The following TMEM200A variants were observed in gnomAD, a reference collection of about 807,000 sequenced individuals.
The protein encoded by TMEM200A is transmembrane protein 200A.
A neutral mutation model predicts 24.3 loss-of-function variants in TMEM200A; 12 were observed. The observed-to-expected ratio is 0.49, with a 90% CI of 0.32 to 0.80. TMEM200A has a LOEUF of 0.80. TMEM200A is among the 30% of genes least tolerant of loss of function. The pLI, the probability that TMEM200A is intolerant of heterozygous loss-of-function variation, is 0.04. For missense variants in TMEM200A, 545 were observed against 614.4 expected (o/e 0.89, Z 1.19); for synonymous variants, 224 against 224.4 (o/e 1.00, Z 0.02).
intron 1 of TMEM200A, chr6:130,383,067 G>A (rs1778638174): frequency 1.5e-5 from 15 of 985,260 alleles, no homozygotes; most frequent in Middle Eastern, 5.2e-4. Flanking sequence ...CCTCCTCATG[G>A]CCTACATCTA....
At chr6:130,369,877 G>A (rs1347069767) in intron 1 of TMEM200A, among the ~76,000 whole-genome samples, 2 of 152,182 alleles carry the variant, frequency 1.3e-5, no homozygotes, top group Non-Finnish European at 2.9e-5. Context: ...AGTGCACCAA[G>A]GGGGGACAAG....
At chr6:130,380,141 T>A (rs533874217) in intron 1 of TMEM200A, among the ~76,000 whole-genome samples, 1 of 152,364 alleles carries the variant, frequency 6.6e-6, no homozygotes, top group East Asian at 1.9e-4. Context: ...TAAAAGTTAC[T>A]GAAAATCTTT....
At chr6:130,428,158 A>G (rs1779792615) in intron 2 of TMEM200A, among the ~76,000 whole-genome samples, 1 of 151,924 alleles carries the variant, frequency 6.6e-6, no homozygotes, top group Non-Finnish European at 1.5e-5. Flanking sequence ...ATTCTTCTCA[A>G]TTTTTTCCTT....
At chr6:130,401,402 T>G (rs55750055) in intron 2 of TMEM200A, among the ~76,000 whole-genome samples, 4,101 of 83,900 alleles carry the variant, frequency 0.049, 68 homozygotes, top group African/African-American at 0.18. Context: ...TCTTTCTTTC[T>G]TTTTCTTTCT....
At chr6:130,372,972 G>A (rs1232479655) in intron 1 of TMEM200A, among the ~76,000 whole-genome samples, 3 of 152,210 alleles carry the variant, frequency 2.0e-5, no homozygotes, top group South Asian at 2.1e-4. Flanking sequence ...AGAGGCCTGT[G>A]ACACAAAAGC....
At chr6:130,433,044 G>GA (rs1362465420) in intron 2 of TMEM200A, among the ~76,000 whole-genome samples, 1 of 152,086 alleles carries the variant, frequency 6.6e-6, no homozygotes, top group African/African-American at 2.4e-5. Flanking sequence ...CCACTTGCAT[G>GA]GCATCAAATG....
chr6:130,392,023 G>A (rs1033749323), intron 2 of TMEM200A, among the ~76,000 whole-genome samples: 4 of 152,116 alleles, frequency 2.6e-5, no homozygotes, highest in Non-Finnish European at 5.9e-5. Flanking sequence ...GATTACAGGC[G>A]TGAGCCACCA....
At position 130,401,856 on chromosome 6, in the gene TMEM200A, CT is replaced by C. The variant is rs557114249; in HGVS notation, c.-17+16626del. 1.3e-3 allele frequency among the ~76,000 whole-genome samples: 201 copies of C among 151,644 alleles called. 1 individual carries two copies. Among genetic ancestry groups the C allele is most frequent in the African/African-American group, 4.6e-3 (192 of 41,428 alleles). ...ATGTTTGTGTGTGTGTGTTTGTGAGCTTTTTTCAGTTTTTCTCTTTTGTAAA... is the reference window on the plus strand; with the variant it reads ...ATGTTTGTGTGTGTGTGTTTGTGAGCTTTTTCAGTTTTTCTCTTTTGTAAA... On this transcript the variant is annotated intron_variant, in intron 2 of 2. Transcript: ENST00000296978.
chr6:130,424,279 A>G (rs1779673144), intron 2 of TMEM200A, among the ~76,000 whole-genome samples: 1 of 152,168 alleles, frequency 6.6e-6, no homozygotes, highest in Non-Finnish European at 1.5e-5. Flanking sequence ...AACAAATTAC[A>G]GACGTTTTCT....
chr6:130,398,906 T>C (rs1779018227), intron 2 of TMEM200A, among the ~76,000 whole-genome samples: 1 of 152,086 alleles, frequency 6.6e-6, no homozygotes. Flanking sequence ...TCTCATTTTT[T>C]TCATTGTCCA....
intron 2 of TMEM200A, among the ~76,000 whole-genome samples, chr6:130,425,419 A>G (rs1340412390): frequency 6.6e-6 from 1 of 152,188 alleles, no homozygotes; most frequent in East Asian, 1.9e-4. Context: ...ATGCTATTTG[A>G]TTTACCTAAT....
intron 1 of TMEM200A, among the ~76,000 whole-genome samples, chr6:130,378,624 T>C (rs965633205): frequency 4.7e-5 from 7 of 150,482 alleles, no homozygotes; most frequent in Admixed American, 4.0e-4. Flanking sequence ...CTTGGGAGGC[T>C]GAGGCAGAGA....
intron 2 of TMEM200A, among the ~76,000 whole-genome samples, chr6:130,418,853 T>C (rs1182207118): frequency 6.6e-6 from 1 of 152,172 alleles, no homozygotes; most frequent in Non-Finnish European, 1.5e-5. Context: ...GAATGTGTAA[T>C]GGTCAACTCA....
chr6:130,414,222 A>T (rs2115167108), intron 2 of TMEM200A, among the ~76,000 whole-genome samples: 1 of 152,152 alleles, frequency 6.6e-6, no homozygotes, highest in East Asian at 1.9e-4. Context: ...ACTTGAGGTC[A>T]GGAGTTTGAG....
chr6:130,413,713 G>A lies in TMEM200A; in HGVS notation c.-16-26694G>A, dbSNP rs975207735. On this transcript the variant is annotated intron_variant, in intron 2 of 2. Coordinates refer to ENST00000296978, the MANE Select transcript of TMEM200A (RefSeq NM_001258277.2). ...CCTCACAGCTGCCAAAGTGATATCT[G>A]CATATCAGATTGTGTCACAATCCAG... is the stretch of plus-strand genomic sequence containing the variant. Among the ~76,000 whole-genome samples, 5 of 152,116 alleles carry A rather than the reference G, an allele frequency of 3.3e-5. No individual in the cohort carries two copies. The East Asian group carries it at 7.7e-4, about 23-fold the overall frequency.
intron 2 of TMEM200A, among the ~76,000 whole-genome samples, chr6:130,425,080 G>T (rs1247775188): frequency 6.6e-6 from 1 of 152,022 alleles, no homozygotes; most frequent in South Asian, 2.1e-4. Flanking sequence ...CTTGTGCCTA[G>T]TAATACTTGC....
intron 2 of TMEM200A, among the ~76,000 whole-genome samples, chr6:130,409,170 C>G (rs1479216092): frequency 6.6e-6 from 1 of 152,106 alleles, no homozygotes; most frequent in Non-Finnish European, 1.5e-5. Flanking sequence ...TTTCCTGCAC[C>G]CTCTTTTCTT....
At chr6:130,390,853 C>T (rs1483150959) in intron 2 of TMEM200A, among the ~76,000 whole-genome samples, 1 of 152,174 alleles carries the variant, frequency 6.6e-6, no homozygotes, top group Non-Finnish European at 1.5e-5. Context: ...TGTCAGCTCA[C>T]CTTCATCACA....
At chr6:130,409,612 G>A (rs764163223) in intron 2 of TMEM200A, among the ~76,000 whole-genome samples, 1 of 152,122 alleles carries the variant, frequency 6.6e-6, no homozygotes, top group African/African-American at 2.4e-5. Flanking sequence ...AGATAGATAG[G>A]ATTTTTTTTC....
Sources: gnomAD v4.1 joint callset for allele counts (sites outside exome capture counted in the v4.1 genomes callset) on GRCh38, gnomAD v4.1.1 for gene constraint, MANE v1.5 for transcripts, NCBI Gene and HGNC (gene_info 2026-07-23, HGNC 2026-07-21) for gene names.